ERBB4: variants seen among roughly 807,000 people sequenced by gnomAD.
The protein encoded by ERBB4 is receptor tyrosine-protein kinase erbB-4.
ERBB4 carries 42 observed loss-of-function variants against 158.0 expected under a neutral mutation model. The observed-to-expected ratio is 0.27, with a 90% CI of 0.21 to 0.34. ERBB4 has a LOEUF of 0.34. ERBB4 is among the 10% of genes least tolerant of loss of function. The pLI, the probability that ERBB4 is intolerant of heterozygous loss-of-function variation, is 1.00. For missense variants in ERBB4, 1,333 were observed against 1,624.1 expected, an observed-to-expected ratio of 0.82 and a Z score of 3.08; for synonymous variants, 583 against 558.7, an observed-to-expected ratio of 1.04 and a Z score of -0.61.
chr2:211,831,669 A>G (rs548634779), intron 3 of ERBB4, among the ~76,000 whole-genome samples: 2 of 152,178 alleles, frequency 1.3e-5, no homozygotes, highest in Non-Finnish European at 2.9e-5. Flanking sequence ...TGGGAGGCTG[A>G]GGTGGGTGGA....
chr2:211,934,442 T>C (rs141380059), intron 3 of ERBB4, among the ~76,000 whole-genome samples: 5,318 of 152,096 alleles, frequency 0.035, 127 homozygotes, highest in Middle Eastern at 0.088. Context: ...AAAATCACCC[T>C]TCTAATATCT....
intron 3 of ERBB4, among the ~76,000 whole-genome samples, chr2:211,876,871 C>A (rs943706340): frequency 2.6e-5 from 4 of 151,948 alleles, no homozygotes; most frequent in Non-Finnish European, 5.9e-5. Flanking sequence ...TTTTAAAAAC[C>A]TAAATATTAA....
chr2:212,448,361 C>A (rs2062930), intron 1 of ERBB4, among the ~76,000 whole-genome samples: 62,806 of 151,906 alleles, frequency 0.41, 13,633 homozygotes, highest in African/African-American at 0.49. Flanking sequence ...ACTGTTTATA[C>A]ACTGTTTGAA....
intron 19 of ERBB4, among the ~76,000 whole-genome samples, chr2:211,568,806 G>T (rs925380306): frequency 1.3e-5 from 2 of 152,116 alleles, no homozygotes; most frequent in African/African-American, 2.4e-5. Flanking sequence ...GAGTGCTAGT[G>T]ATGAAGAACA....
intron 1 of ERBB4, among the ~76,000 whole-genome samples, chr2:212,468,347 C>T (rs1275516878): frequency 3.3e-5 from 5 of 152,044 alleles, no homozygotes; most frequent in African/African-American, 4.8e-5. Context: ...TTTGTACCTC[C>T]CATAATTCCC....
At chr2:211,614,317 A>G (rs1026021033) in intron 19 of ERBB4, among the ~76,000 whole-genome samples, 3 of 151,952 alleles carry the variant, frequency 2.0e-5, no homozygotes, top group African/African-American at 4.8e-5. Context: ...AATAAAATGT[A>G]AAAATATAAA....
chr2:212,165,838 G>A (rs550096401), intron 1 of ERBB4, among the ~76,000 whole-genome samples: 7 of 151,998 alleles, frequency 4.6e-5, no homozygotes, highest in Admixed American at 2.0e-4. Flanking sequence ...ACATAAAACA[G>A]AACACAATGC....
At chr2:211,976,998 T>C (rs535217957) in intron 2 of ERBB4, among the ~76,000 whole-genome samples, 55 of 152,198 alleles carry the variant, frequency 3.6e-4, no homozygotes, top group Admixed American at 1.6e-3. Context: ...GTTAATGACA[T>C]CTTTATGTAA....
At chr2:212,210,758 G>T (rs927758457) in intron 1 of ERBB4, among the ~76,000 whole-genome samples, 3 of 152,008 alleles carry the variant, frequency 2.0e-5, no homozygotes, top group African/African-American at 4.8e-5. Context: ...TCTGCTCTAA[G>T]TTTTCTCTTC....
At chr2:211,862,149 A>G (rs956576961) in intron 3 of ERBB4, among the ~76,000 whole-genome samples, 1 of 152,210 alleles carries the variant, frequency 6.6e-6, no homozygotes, top group Admixed American at 6.5e-5. Context: ...TTCTGATTGC[A>G]TGACATGTAG....
intron 2 of ERBB4, among the ~76,000 whole-genome samples, chr2:211,991,691 G>C (rs2125255193): frequency 6.6e-6 from 1 of 152,262 alleles, no homozygotes; most frequent in Non-Finnish European, 1.5e-5. Context: ...AGATCATTTA[G>C]TTGCTCATTT....
intron 1 of ERBB4, among the ~76,000 whole-genome samples, chr2:212,381,063 G>T (rs1047095969): frequency 2.0e-5 from 3 of 151,296 alleles, no homozygotes; most frequent in Non-Finnish European, 4.4e-5. Flanking sequence ...AAAAGTCATA[G>T]TTAAATGTCT....
At position 211,673,239 on chromosome 2, in the gene ERBB4, C is replaced by T. The variant is rs761145883; in HGVS notation, c.1641G>A (p.Glu547=). The T allele has an allele frequency of 6.2e-7, 1 of 1,613,554 alleles. No homozygotes were observed. Reference sequence around the variant, plus strand: ...CACACTCCACACAGATGGAGCCATTCTCAAACTCCCGAAATTCACTGTGAA... The same window carrying T: ...CACACTCCACACAGATGGAGCCATTTTCAAACTCCCGAAATTCACTGTGAA... ...NLYDGEFREF[E]NGSICVECDP... The change falls in exon 14 of 28, where the codon GAG becomes GAA. Residue 547 remains glutamate, a synonymous_variant. Transcript: ENST00000342788.
chr2:212,435,682 A>G (rs961622196), intron 1 of ERBB4, among the ~76,000 whole-genome samples: 6 of 151,918 alleles, frequency 3.9e-5, no homozygotes, highest in Non-Finnish European at 7.4e-5. Context: ...TTCTAGATGA[A>G]GTCTTTTCCA....
chr2:212,131,065 A>G (rs2080092719), intron 1 of ERBB4, among the ~76,000 whole-genome samples: 1 of 152,200 alleles, frequency 6.6e-6, no homozygotes, highest in Admixed American at 6.5e-5. Context: ...AGAAGAAGCA[A>G]TAACTATTTC....
In ERBB4 at chr2:211,750,680, G is replaced by A. The variant is rs2075105913; in HGVS notation, c.581C>T (p.Thr194Ile). Residue 194 changes from threonine (T) to isoleucine (I), a missense_variant, in exon 5 of 28, where the codon ACT (threonine) becomes ATT (isoleucine). This residue lies in a region of ERBB4 where 438 missense variants were observed against 586.9 expected (regional missense o/e 0.75). Coordinates refer to ENST00000342788, the MANE Select transcript of ERBB4 (RefSeq NM_005235.3). ...SGCGRCHKSC[T>I]GRCWGPTENH... Reference sequence around the variant, plus strand: ...TTCTGTGGGTCCCCAGCAACGGCCAGTACAGGACTTATGGCAACGTCCACC... The same window carrying A: ...TTCTGTGGGTCCCCAGCAACGGCCAATACAGGACTTATGGCAACGTCCACC... 1 of 1,613,850 alleles carries A rather than the reference G, an allele frequency of 6.2e-7. No homozygotes were observed. The highest frequency in any genetic ancestry group is 8.5e-7 in the Non-Finnish European group (1 of 1,179,908).
intron 3 of ERBB4, among the ~76,000 whole-genome samples, chr2:211,877,846 G>A (rs1305178739): frequency 6.6e-6 from 1 of 152,146 alleles, no homozygotes; most frequent in Non-Finnish European, 1.5e-5. Flanking sequence ...GGTGGTTCAT[G>A]CCTGTAATCC....
At chr2:211,597,211 C>A (rs1302574182) in intron 19 of ERBB4, among the ~76,000 whole-genome samples, 1 of 152,052 alleles carries the variant, frequency 6.6e-6, no homozygotes, top group African/African-American at 2.4e-5. Context: ...ATATATTAAT[C>A]CATTATTGTC....
chr2:211,736,666 CA>C (rs2074612077), intron 5 of ERBB4, among the ~76,000 whole-genome samples: 1 of 152,108 alleles, frequency 6.6e-6, no homozygotes, highest in Non-Finnish European at 1.5e-5. Flanking sequence ...AATCACTGCA[CA>C]ATACAGCCTG....
Sources: allele counts gnomAD v4.1 joint callset (sites outside exome capture counted in the v4.1 genomes callset), GRCh38; gene constraint gnomAD v4.1.1; regional missense constraint gnomAD v4.1.1; transcripts MANE v1.5; gene names NCBI Gene and HGNC (gene_info 2026-07-23, HGNC 2026-07-21).